Variants in ZP3 observed in about 807,000 individuals in gnomAD.
ZP3 encodes the protein zona pellucida sperm-binding protein 3.
A neutral mutation model predicts 35.6 loss-of-function variants in ZP3; 21 were observed. The ratio of observed to expected loss-of-function variants is 0.59; its 90% CI spans 0.42 to 0.85. ZP3 has a LOEUF of 0.85. ZP3 is among the 40% of genes least tolerant of loss of function. The pLI, the probability that ZP3 is intolerant of heterozygous loss-of-function variation, is 0.00. For synonymous variants in ZP3, 207 were observed against 214.5 expected (o/e 0.96, Z 0.31); for missense variants, 437 against 536.5 (o/e 0.81, Z 1.83).
In ZP3 at chr7:76,426,704, T is replaced by G. The variant is rs557607787; in HGVS notation, c.312+1428T>G. Among the ~76,000 whole-genome samples the G allele has an allele frequency of 2.7e-4, 41 of 152,188 alleles. 1 individual carries two copies. The South Asian group carries it at 2.7e-3, about 10-fold the overall frequency. ...GTTAGAAGCTGATAAGTGGTATTTT[T>G]TTGTTGTTGTTTTTGTTTTTTGAGA... On this transcript the variant is annotated intron_variant, in intron 1 of 7. Transcript: ENST00000394857.
chr7:76,440,793 A>C (rs1806174747), intron 7 of ZP3, among the ~76,000 whole-genome samples, 182 bp downstream of exon 7: 1 of 145,856 alleles, frequency 6.9e-6, no homozygotes, highest in African/African-American at 2.5e-5. Flanking sequence ...TCAGCCTTCC[A>C]CCTCGGTGGC....
exon 1 of ZP3, chr7:76,397,685 G>T: frequency 6.2e-7 from 1 of 1,613,274 alleles, no homozygotes; most frequent in Admixed American, 1.7e-5. Context: ...GGCCATGGCC[G>T]CCCCGCAGCC....
At chr7:76,406,585 A>C (rs1002762679) in intron 1 of ZP3, among the ~76,000 whole-genome samples, 8 of 149,454 alleles carry the variant, frequency 5.4e-5, no homozygotes, top group African/African-American at 1.7e-4. Flanking sequence ...CTGGGCTCAA[A>C]GGATCCTCCC....
chr7:76,410,994 C>CAAAAA (rs1365590792), intron 1 of ZP3, among the ~76,000 whole-genome samples: 33 of 60,986 alleles, frequency 5.4e-4, no homozygotes, highest in African/African-American at 1.1e-3. Context: ...GACTCCATCT[C>CAAAAA]AAAAGAAAAA....
At chr7:76,400,082 T>A (rs1804766209) in intron 1 of ZP3, among the ~76,000 whole-genome samples, 1 of 152,200 alleles carries the variant, frequency 6.6e-6, no homozygotes, top group African/African-American at 2.4e-5. Context: ...GGTTTTCTTT[T>A]GGTCCAAGGT....
chr7:76,424,081 C>T (rs938915008), upstream of ZP3, among the ~76,000 whole-genome samples: 18 of 152,028 alleles, frequency 1.2e-4, no homozygotes, highest in South Asian at 2.1e-4. Context: ...TAATTGATAC[C>T]GCCTCCTTTT....
intron 1 of ZP3, among the ~76,000 whole-genome samples, chr7:76,405,687 G>A (rs972697127): frequency 3.3e-5 from 5 of 151,984 alleles, no homozygotes; most frequent in African/African-American, 1.2e-4. Context: ...GACGGCAGAG[G>A]CAAAAGCTGG....
chr7:76,399,695 T>C (rs1439034362), intron 1 of ZP3, among the ~76,000 whole-genome samples: 1 of 151,964 alleles, frequency 6.6e-6, no homozygotes, highest in African/African-American at 2.4e-5. Flanking sequence ...CCTTGCTAAT[T>C]TTTCTGATTT....
At chr7:76,436,025 G>GC (rs376936281) in intron 5 of ZP3, among the ~76,000 whole-genome samples, 2,165 of 60,644 alleles carry the variant, frequency 0.036, no homozygotes, top group Middle Eastern at 0.1. Flanking sequence ...CGCGCCCCCC[G>GC]CCCCCTTTTT....
chr7:76,429,284 T>C, intron 1 of ZP3: 2 of 512,498 alleles, frequency 3.9e-6, no homozygotes, highest in East Asian at 3.5e-5. Context: ...GTGTTCTCTT[T>C]TGTAGAGATG....
Position 76,425,064 on chromosome 7 carries a change from C to A in ZP3, c.100C>A (p.His34Asn), listed in dbSNP as rs770998544. Residue 34 changes from histidine (H) to asparagine (N), a missense_variant, in exon 1 of 8, where the codon CAT (histidine) becomes AAT (asparagine). Physicochemically the swap from His to Asn is moderately conservative, Grantham distance 68. Around this residue, in one of 6 missense-constraint regions of ZP3, gnomAD observed 352 missense variants for 308.4 expected, o/e 1.14. Transcript: ENST00000394857. Reference sequence around the variant, plus strand: ...CTGGCTCTTGCAGGGTGGAGCCAGCCATCCTGAGACGTCCGTACAGCCCGT... The same window carrying A: ...CTGGCTCTTGCAGGGTGGAGCCAGCAATCCTGAGACGTCCGTACAGCCCGT... ...PLWLLQGGASHPETSVQPVLV... is the reference protein window; with the variant it reads ...PLWLLQGGASNPETSVQPVLV... 1 of 1,612,468 alleles carries A rather than the reference C, an allele frequency of 6.2e-7. No homozygotes were observed. The highest frequency in any genetic ancestry group is 8.5e-7 in the Non-Finnish European group (1 of 1,179,562).
At chr7:76,424,800 T>A (rs1414042004), upstream of ZP3, 8 of 619,216 alleles carry the variant, frequency 1.3e-5, no homozygotes, top group Non-Finnish European at 1.7e-5. Flanking sequence ...TCTAACAAGC[T>A]CCCAGGTGTT....
At chr7:76,429,863 C>G (rs1014485617) in intron 2 of ZP3, among the ~76,000 whole-genome samples, 4 of 152,150 alleles carry the variant, frequency 2.6e-5, no homozygotes, top group Non-Finnish European at 5.9e-5. Flanking sequence ...AGCTTCAGAG[C>G]TGCTCAGCCC....
At chr7:76,435,928 T>A (rs1163620138) in intron 5 of ZP3, among the ~76,000 whole-genome samples, 1 of 151,936 alleles carries the variant, frequency 6.6e-6, no homozygotes. Context: ...GATTCATCAT[T>A]TTGGCCAGGC....
At chr7:76,417,301 G>C (rs965747334) in intron 1 of ZP3, among the ~76,000 whole-genome samples, 2 of 151,836 alleles carry the variant, frequency 1.3e-5, no homozygotes, top group Non-Finnish European at 2.9e-5. Flanking sequence ...TCAGGCTATC[G>C]GCCCACCTCA....
chr7:76,436,043 T>C (rs1805995209), intron 5 of ZP3, among the ~76,000 whole-genome samples: 6 of 31,416 alleles, frequency 1.9e-4, no homozygotes, highest in Admixed American at 3.6e-4. Flanking sequence ...TTTTTTTTTT[T>C]TTTTTTTTTT....
intron 1 of ZP3, among the ~76,000 whole-genome samples, chr7:76,411,994 A>G (rs887695380): frequency 9.2e-5 from 14 of 151,942 alleles, no homozygotes; most frequent in African/African-American, 3.4e-4. Context: ...GGAATTTGAG[A>G]CCATCCTGGG....
chr7:76,431,644 AATC>A (rs1453201401), intron 2 of ZP3, among the ~76,000 whole-genome samples: 4 of 152,158 alleles, frequency 2.6e-5, no homozygotes, highest in African/African-American at 9.7e-5. Context: ...TCACGCCTAT[AATC>A]CCAGCACTTT....
chr7:76,401,023 G>A, intron 1 of ZP3: 1 of 1,550,256 alleles, frequency 6.5e-7, no homozygotes, highest in Non-Finnish European at 8.7e-7. Flanking sequence ...AAGGGCAGTG[G>A]AGTGGGCTGT....
Sources: allele counts gnomAD v4.1 joint callset (sites outside exome capture counted in the v4.1 genomes callset), GRCh38; gene constraint gnomAD v4.1.1; regional missense constraint gnomAD v4.1.1; transcripts MANE v1.5; gene names NCBI Gene and HGNC (gene_info 2026-07-23, HGNC 2026-07-21).